The following ZNRF1 variants were observed in gnomAD, a reference collection of about 807,000 sequenced individuals.
The protein encoded by ZNRF1 is zinc and ring finger 1.
ZNRF1 carries 3 observed loss-of-function variants against 18.4 expected under a neutral mutation model. That is an observed-to-expected ratio of 0.16 (90% CI 0.07 to 0.42). The LOEUF (loss-of-function observed/expected upper bound fraction) is 0.42. Among genes scored for constraint, ZNRF1 ranks in the 10% least tolerant of loss-of-function variants. ZNRF1 has a pLI of 0.99. For synonymous variants in ZNRF1, 157 were observed against 144.2 expected, an observed-to-expected ratio of 1.09 and a Z score of -0.64; for missense variants, 310 against 329.8, an observed-to-expected ratio of 0.94 and a Z score of 0.47.
intron 1 of ZNRF1, among the ~76,000 whole-genome samples, chr16:75,076,470 A>C (rs2035942467): frequency 6.6e-6 from 1 of 152,032 alleles, no homozygotes; most frequent in Non-Finnish European, 1.5e-5. Flanking sequence ...CTAATGGGTC[A>C]TCCCTTCACT....
chr16:75,065,231 T>C (rs1050380301), intron 1 of ZNRF1, among the ~76,000 whole-genome samples: 1 of 152,194 alleles, frequency 6.6e-6, no homozygotes, highest in African/African-American at 2.4e-5. Flanking sequence ...CACTTCTTAC[T>C]CTAGTACAAT....
At chr16:75,003,810 T>C (rs2034883881) in intron 1 of ZNRF1, among the ~76,000 whole-genome samples, 1 of 152,178 alleles carries the variant, frequency 6.6e-6, no homozygotes, top group African/African-American at 2.4e-5. Context: ...CTGTAAAATG[T>C]AGAAGACGCC....
At chr16:75,023,151 G>T (rs1448568007) in intron 1 of ZNRF1, among the ~76,000 whole-genome samples, 1 of 152,152 alleles carries the variant, frequency 6.6e-6, no homozygotes, top group East Asian at 1.9e-4. Flanking sequence ...GAGAAAAACA[G>T]CTTAAGTTCT....
intron 1 of ZNRF1, among the ~76,000 whole-genome samples, chr16:75,040,052 T>G (rs1462894380): frequency 7.8e-6 from 1 of 128,522 alleles, no homozygotes; most frequent in South Asian, 2.7e-4. Flanking sequence ...CTTTTTTTTT[T>G]TTTTTTTTTT....
intron 1 of ZNRF1, among the ~76,000 whole-genome samples, chr16:75,007,433 G>A (rs535637672): frequency 1.1e-4 from 16 of 152,288 alleles, no homozygotes; most frequent in Non-Finnish European, 1.6e-4. Context: ...CCCTAGAGTC[G>A]TTAGTCTTGA....
chr16:75,034,558 T>C (rs1411689785), intron 1 of ZNRF1, among the ~76,000 whole-genome samples: 9 of 152,256 alleles, frequency 5.9e-5, no homozygotes, highest in East Asian at 1.9e-4. Context: ...CCTTTGGATA[T>C]TGTGAACAAT....
chr16:75,055,505 C>T (rs1450127786), intron 1 of ZNRF1, among the ~76,000 whole-genome samples: 1 of 152,204 alleles, frequency 6.6e-6, no homozygotes, highest in African/African-American at 2.4e-5. Context: ...AGGTCGTGTT[C>T]TGTCCTCAAA....
chr16:75,107,804 G>A lies in ZNRF1; in HGVS notation c.*104G>A, dbSNP rs114092681. The A allele has an allele frequency of 1.5e-5, 7 of 456,454 alleles. No homozygotes were observed. The highest frequency in any genetic ancestry group is 2.0e-5 in the African/African-American group (1 of 50,162). The allele number at this position is 456,454 out of a possible 1,614,324, so 28.3% of individuals were successfully genotyped here. A position where few individuals can be genotyped will look rare whatever the true frequency, so the allele number is the denominator to read the frequency against. ...GCAGAGCTGAGCTTGGGACACCAGC[G>A]GGAACAGGGCACCCCTTCTGCACTG... is the stretch of plus-strand genomic sequence containing the variant. On this transcript the variant is annotated 3_prime_UTR_variant, in exon 5 of 5. Transcript: ENST00000335325.
At chr16:75,104,950 C>T (rs1207254744) in intron 3 of ZNRF1, 61 bp downstream of exon 3, 1 of 1,364,128 alleles carries the variant, frequency 7.3e-7, no homozygotes, top group Non-Finnish European at 1.0e-6. Context: ...GGACCCCCAT[C>T]TCCAGCCATT....
intron 1 of ZNRF1, among the ~76,000 whole-genome samples, chr16:75,020,365 G>A (rs1029932701): frequency 6.6e-6 from 1 of 151,620 alleles, no homozygotes; most frequent in African/African-American, 2.4e-5. Context: ...TCTTTTGATT[G>A]GCATGTTTAA....
At chr16:75,070,989 C>T (rs562549400) in intron 1 of ZNRF1, among the ~76,000 whole-genome samples, 7 of 152,290 alleles carry the variant, frequency 4.6e-5, no homozygotes, top group African/African-American at 1.7e-4. Context: ...ATTTATTATG[C>T]CCATGGACTA....
chr16:75,062,052 A>T (rs1237742192), intron 1 of ZNRF1, among the ~76,000 whole-genome samples: 1 of 152,240 alleles, frequency 6.6e-6, no homozygotes, highest in Non-Finnish European at 1.5e-5. Flanking sequence ...TGTCAATGAA[A>T]AAATATTCAT....
At chr16:75,071,737 A>G (rs1181742765) in intron 1 of ZNRF1, among the ~76,000 whole-genome samples, 1 of 152,084 alleles carries the variant, frequency 6.6e-6, no homozygotes, top group Non-Finnish European at 1.5e-5. Flanking sequence ...TTTGGGGAAA[A>G]TACAATCTAC....
At chr16:75,065,007 C>A (rs2035784950) in intron 1 of ZNRF1, among the ~76,000 whole-genome samples, 1 of 152,190 alleles carries the variant, frequency 6.6e-6, no homozygotes, top group Non-Finnish European at 1.5e-5. Context: ...TGTATCTCAC[C>A]CCACTTCACG....
chr16:75,085,483 T>C (rs1452139107), intron 1 of ZNRF1, among the ~76,000 whole-genome samples: 2 of 152,204 alleles, frequency 1.3e-5, no homozygotes, highest in Non-Finnish European at 2.9e-5. Flanking sequence ...AATAAAGCTG[T>C]GATGAACATT....
chr16:75,019,185 T>C (rs979114135), intron 1 of ZNRF1, among the ~76,000 whole-genome samples: 1 of 151,706 alleles, frequency 6.6e-6, no homozygotes, highest in East Asian at 1.9e-4. Flanking sequence ...AAAAGATTAA[T>C]ATAGCTTTTT....
intron 1 of ZNRF1, among the ~76,000 whole-genome samples, chr16:75,082,539 T>C (rs978239630): frequency 5.3e-5 from 8 of 152,168 alleles, no homozygotes; most frequent in Non-Finnish European, 8.8e-5. Flanking sequence ...CTTAGGCTCT[T>C]CTGGTTTGCA....
At chr16:75,091,977 G>A (rs939106049) in intron 1 of ZNRF1, among the ~76,000 whole-genome samples, 11 of 152,116 alleles carry the variant, frequency 7.2e-5, no homozygotes, top group African/African-American at 2.4e-4. Flanking sequence ...ACAATAAGGA[G>A]AGAGAAAATA....
chr16:75,068,188 TAAAAAAAAAAA>T (rs57755915), intron 1 of ZNRF1, among the ~76,000 whole-genome samples: 6 of 88,952 alleles, frequency 6.7e-5, no homozygotes, highest in African/African-American at 1.6e-4. Context: ...GACCTTGTCT[TAAAAAAAAAAA>T]AAAAAAAAAA....
Sources: gnomAD v4.1 joint callset for allele counts (sites outside exome capture counted in the v4.1 genomes callset) on GRCh38, gnomAD v4.1.1 for gene constraint, MANE v1.5 for transcripts, NCBI Gene and HGNC (gene_info 2026-07-23, HGNC 2026-07-21) for gene names.